Variants in LPIN3 observed in about 807,000 individuals in gnomAD.
LPIN3 encodes lipin 3, also known as phosphatidate phosphatase LPIN3.
A neutral mutation model predicts 94.7 loss-of-function variants in LPIN3; 82 were observed. That is an observed-to-expected ratio of 0.87 (90% confidence interval 0.72 to 1.04). LPIN3 has a LOEUF of 1.04. Among genes scored for constraint, LPIN3 ranks in the 50% least tolerant of loss-of-function variants. The pLI is 0.00. For synonymous variants in LPIN3, 418 were observed against 443.3 expected, an observed-to-expected ratio of 0.94 and a Z score of 0.72; for missense variants, 996 against 1,090.5, an observed-to-expected ratio of 0.91 and a Z score of 1.22.
chr20:41,355,163 C>T (rs1423610742), intron 13 of LPIN3, among the ~76,000 whole-genome samples: 4 of 151,992 alleles, frequency 2.6e-5, no homozygotes, highest in African/African-American at 2.4e-5. Flanking sequence ...TACAGGTGCC[C>T]GCCACCACAC....
rs775517450 is a variant in LPIN3 at position 41,352,621 on chromosome 20, A to G, written c.1379A>G (p.His460Arg). ...CTGTGCCCAGAGAAATTCAACCAGC[A>G]CAGCGTCTCTTACCAGGACCTCACC... ...RDISLEKFNQ[H>R]SVSYQDLTKN... is the part of the protein sequence containing the mutation. The change falls in exon 10 of 20, where the codon CAC becomes CGC. Residue 460 changes from histidine (H) to arginine (R), a missense_variant. By Grantham distance (29) the His-to-Arg change is conservative (BLOSUM62 0). Coordinates refer to ENST00000373257, the MANE Select transcript of LPIN3 (RefSeq NM_022896.3). 8.7e-6 allele frequency: 14 copies of G among 1,614,138 alleles called. No homozygotes were observed. The highest frequency in any genetic ancestry group is 1.2e-5 in the Non-Finnish European group (14 of 1,180,006).
At chr20:41,346,444 A>C (rs1197111916) in intron 2 of LPIN3, among the ~76,000 whole-genome samples, 1 of 152,198 alleles carries the variant, frequency 6.6e-6, no homozygotes, top group African/African-American at 2.4e-5. Flanking sequence ...TCTCTCTCTT[A>C]ATAAATCCAC....
intron 13 of LPIN3, 85 bp downstream of exon 13, chr20:41,354,948 G>GGGTGCTGGCTC: frequency 7.5e-7 from 1 of 1,325,358 alleles, no homozygotes. Context: ...GGAGGAGCCA[G>GGGTGCTGGCTC]CACCCTGTCT....
intron 14 of LPIN3, among the ~76,000 whole-genome samples, chr20:41,356,287 C>A (rs1429499549): frequency 6.6e-6 from 1 of 152,204 alleles, no homozygotes; most frequent in Admixed American, 6.5e-5. Context: ...AAGATATCAA[C>A]CTGTAGTGAG....
intron 3 of LPIN3, 28 bp from the exon 4 acceptor site, chr20:41,348,591 C>T (rs372689593): frequency 6.5e-5 from 102 of 1,577,532 alleles, no homozygotes; most frequent in African/African-American, 1.5e-4. Context: ...GGTCAGCCCC[C>T]GACCTCAGTT....
intron 5 of LPIN3, 47 bp from the exon 6 acceptor site, chr20:41,349,727 C>T (rs916808321): frequency 4.5e-6 from 7 of 1,571,744 alleles, no homozygotes; most frequent in African/African-American, 4.1e-5. Context: ...TGGGCAGCAG[C>T]GGGGATGGGT....
chr20:41,348,392 C>T (rs538628958), intron 3 of LPIN3, among the ~76,000 whole-genome samples: 4 of 152,282 alleles, frequency 2.6e-5, no homozygotes, highest in South Asian at 2.1e-4. Context: ...GATCAGAGGC[C>T]GATGCCAAGA....
At chr20:41,352,010 A>G (rs375821367) in intron 8 of LPIN3, 50 bp from the exon 9 acceptor site, 4 of 1,612,298 alleles carry the variant, frequency 2.5e-6, no homozygotes, top group Non-Finnish European at 2.5e-6. Flanking sequence ...GGGAGGACCC[A>G]TCTCCCGCCC....
In LPIN3 at chr20:41,358,754, T is replaced by A. The variant is rs764038949; in HGVS notation, c.2444T>A (p.Leu815His). The A allele has an allele frequency of 1.9e-6, 3 of 1,613,042 alleles. No individual in the cohort carries two copies. In the Admixed American group the frequency reaches 5.0e-5, roughly 27 times the overall value. The change falls in exon 20 of 20, where the codon CTC becomes CAC. Residue 815 changes from leucine (L) to histidine (H), a missense_variant. Leu to His is a moderately conservative substitution (Grantham distance 99, BLOSUM62 -3). Transcript: ENST00000373257. Reference sequence around the variant, plus strand: ...CGGCTTGGTGAAGTGGTCGAGCTCCTCTTCCCACCTGTGGCCCGTGGCCCC... The same window carrying A: ...CGGCTTGGTGAAGTGGTCGAGCTCCACTTCCCACCTGTGGCCCGTGGCCCC... ...YERLGEVVEL[L>H]FPPVARGPST...
intron 11 of LPIN3, among the ~76,000 whole-genome samples, chr20:41,353,412 A>T (rs2046095755): frequency 6.6e-6 from 1 of 152,176 alleles, no homozygotes; most frequent in Admixed American, 6.5e-5. Flanking sequence ...TTAACCAAAG[A>T]CTCATCCAGA....
Position 41,358,764 on chromosome 20 carries a change from T to TGTGGCCC in LPIN3, c.2462_2468dup (p.Ser824TrpfsTer10). The TGTGGCCC allele has an allele frequency of 6.2e-7, 1 of 1,613,062 alleles. No homozygotes were observed. On this transcript the variant is annotated frameshift_variant, in exon 20 of 20. Transcript: ENST00000373257. LOFTEE classifies it low-confidence loss of function (END_TRUNC). ...AAGTGGTCGAGCTCCTCTTCCCACC[T>TGTGGCCC]GTGGCCCGTGGCCCCAGCACAGACC...
intron 14 of LPIN3, among the ~76,000 whole-genome samples, chr20:41,356,300 A>T (rs1046803453): frequency 6.6e-6 from 1 of 152,238 alleles, no homozygotes; most frequent in African/African-American, 2.4e-5. Flanking sequence ...GTAGTGAGCC[A>T]GCAGGCTCTA....
intron 1 of LPIN3, among the ~76,000 whole-genome samples, chr20:41,344,615 C>T (rs1915480448): frequency 6.6e-6 from 1 of 152,208 alleles, no homozygotes; most frequent in East Asian, 1.9e-4. Context: ...GGGGCAGGCA[C>T]TGTGCCAGCT....
At chr20:41,347,747 G>A (rs944752165) in intron 3 of LPIN3, 100 bp downstream of exon 3, 2 of 1,038,118 alleles carry the variant, frequency 1.9e-6, no homozygotes, top group African/African-American at 3.2e-5. Context: ...CCCTTCCCCG[G>A]GAGCACCCCA....
chr20:41,358,673 A>ATCGT, intron 19 of LPIN3, 49 bp from the exon 20 acceptor site: 1 of 1,607,848 alleles, frequency 6.2e-7, no homozygotes, highest in Non-Finnish European at 8.5e-7. Flanking sequence ...GGCCAAGGCC[A>ATCGT]TCGTTTGGTG....
At chr20:41,342,772 G>A (rs2045632413) in intron 1 of LPIN3, among the ~76,000 whole-genome samples, 1 of 152,212 alleles carries the variant, frequency 6.6e-6, no homozygotes, top group Admixed American at 6.5e-5. Context: ...ACATCCATTG[G>A]TGAAGTGGGG....
intron 3 of LPIN3, 71 bp downstream of exon 3, chr20:41,347,718 G>A: frequency 1.5e-6 from 2 of 1,374,780 alleles, no homozygotes; most frequent in Admixed American, 2.1e-5. Flanking sequence ...CAGAGCCTTG[G>A]GATTTGTCAC....
rs111914411 is a variant in LPIN3 at position 41,349,888 on chromosome 20, G to A, written c.753G>A (p.Leu251=). The part of the protein sequence containing the change: ...ESHMQWAWGR[L]PKVARAERPE... Reference sequence around the variant, plus strand: ...ACATGCAGTGGGCCTGGGGGAGGCTGCCTAAGGTGAGTCCCTCTGTATCAA... The same window carrying A: ...ACATGCAGTGGGCCTGGGGGAGGCTACCTAAGGTGAGTCCCTCTGTATCAA... The change falls in exon 6 of 20, where the codon CTG becomes CTA. Residue 251 remains leucine (L), a synonymous_variant. Coordinates refer to ENST00000373257, the MANE Select transcript of LPIN3 (RefSeq NM_022896.3). The A allele has an allele frequency of 9.9e-6, 16 of 1,612,454 alleles. 1 individual carries two copies. The highest frequency in any genetic ancestry group is 6.7e-5 in the African/African-American group (5 of 75,006).
chr20:41,347,511 GCGTGAAGGC>G, intron 2 of LPIN3, 32 bp from the exon 3 acceptor site: 1 of 1,591,958 alleles, frequency 6.3e-7, no homozygotes, highest in South Asian at 1.1e-5. Context: ...GGAAGCATGG[GCGTGAAGGC>G]CCATGTCCCT....
Sources: gnomAD v4.1 joint callset for allele counts (sites outside exome capture counted in the v4.1 genomes callset) on GRCh38, gnomAD v4.1.1 for gene constraint, MANE v1.5 for transcripts, NCBI Gene and HGNC (gene_info 2026-07-23, HGNC 2026-07-21) for gene names.